Variants in MGAT4A observed in about 807,000 individuals in gnomAD.
MGAT4A encodes the protein N-acetylglucosaminyltransferase IVa.
Under a neutral mutation model 74.1 loss-of-function variants are expected in MGAT4A, and 33 were observed. The observed-to-expected ratio is 0.45, with a 90% confidence interval of 0.34 to 0.60. MGAT4A has a LOEUF of 0.60. Among genes scored for constraint, MGAT4A ranks in the 20% least tolerant of loss-of-function variants. The pLI, the probability that MGAT4A is intolerant of heterozygous loss-of-function variation, is 0.02. For synonymous variants in MGAT4A, 198 were observed against 210.4 expected, an observed-to-expected ratio of 0.94 and a Z score of 0.51; for missense variants, 479 against 628.3, an observed-to-expected ratio of 0.76 and a Z score of 2.54.
chr2:98,689,767 G>A (rs1375000743), intron 2 of MGAT4A, among the ~76,000 whole-genome samples: 2 of 152,182 alleles, frequency 1.3e-5, no homozygotes, highest in East Asian at 1.9e-4. Flanking sequence ...AGGTTGCAGT[G>A]AACTGAGTTT....
At chr2:98,644,343 T>C (rs1701454929) in intron 9 of MGAT4A, among the ~76,000 whole-genome samples, 1 of 152,208 alleles carries the variant, frequency 6.6e-6, no homozygotes, top group Non-Finnish European at 1.5e-5. Flanking sequence ...TCAGAGATTT[T>C]CCCTTCGTGT....
At position 98,673,639 on chromosome 2, in the gene MGAT4A, T is replaced by G. The variant is rs17020553; in HGVS notation, c.403+1396A>C. ...TAATGGATAAAGTCATGTAAACAAA[T>G]GGGATGGAATACATAGCTTCAAAAG... On this transcript the variant is annotated intron_variant, in intron 4 of 15. Transcript: ENST00000393487. 4.5e-3 allele frequency among the ~76,000 whole-genome samples: 688 copies of G among 152,254 alleles called. 4 individuals are homozygous for G. Among genetic ancestry groups the G allele is most frequent in the African/African-American group, 0.016 (650 of 41,550 alleles).
Position 98,639,789 on chromosome 2 carries a change from C to T in MGAT4A, c.1322+19G>A, listed in dbSNP as rs779097202. 2.0e-5 allele frequency: 31 copies of T among 1,579,178 alleles called. No individual in the cohort carries two copies. The South Asian group carries it at 2.7e-4, about 14-fold the overall frequency. On this transcript the variant is annotated intron_variant, in intron 12 of 15. Transcript: ENST00000393487. ...GAGATCCAAATTGTAAGATCACATA[C>T]ATTTCAATAATCACCAACCTTTCTA...
intron 8 of MGAT4A, among the ~76,000 whole-genome samples, chr2:98,654,622 A>C (rs998783049): frequency 6.6e-6 from 1 of 152,188 alleles, no homozygotes; most frequent in African/African-American, 2.4e-5. Flanking sequence ...ATTTTTCTAC[A>C]AAACATTTCT....
intron 4 of MGAT4A, among the ~76,000 whole-genome samples, chr2:98,667,520 G>A (rs1429624653): frequency 6.6e-6 from 1 of 152,190 alleles, no homozygotes; most frequent in East Asian, 1.9e-4. Context: ...TTAGGCACTG[G>A]AGTAAAGGTG....
chr2:98,692,625 T>A (rs1702210611), intron 2 of MGAT4A, among the ~76,000 whole-genome samples: 1 of 152,192 alleles, frequency 6.6e-6, no homozygotes, highest in Admixed American at 6.5e-5. Flanking sequence ...TCGCCTTTTA[T>A]ACGGTATTTT....
In MGAT4A at chr2:98,623,899, G is replaced by A; in HGVS notation, c.*1667C>T. On this transcript the variant is annotated 3_prime_UTR_variant, in exon 16 of 16. Transcript: ENST00000393487. The stretch of plus-strand genomic sequence containing the variant: ...GCCCCAGCGCTAGGCCCCAGCCAGT[G>A]GTCACTCTGAAAGCTCAGCAGAATC... The A allele has an allele frequency of 5.1e-6, 5 of 985,446 alleles. No homozygotes were observed. Among genetic ancestry groups the A allele is most frequent in the Non-Finnish European group, 6.0e-6 (5 of 829,976 alleles). The allele number at this position is 985,446 out of a possible 1,614,324, so 61.0% of individuals were successfully genotyped here.
At chr2:98,679,202 C>A (rs557792366) in intron 2 of MGAT4A, among the ~76,000 whole-genome samples, 5 of 151,894 alleles carry the variant, frequency 3.3e-5, no homozygotes, top group South Asian at 2.1e-4. Flanking sequence ...GTCAGGAGAT[C>A]GAGACCATCC....
intron 3 of MGAT4A, among the ~76,000 whole-genome samples, chr2:98,675,758 T>C (rs1701970432): frequency 1.3e-5 from 2 of 152,182 alleles, no homozygotes; most frequent in South Asian, 4.1e-4. Context: ...TCTCACTATG[T>C]TGCCCAGGCT....
intron 3 of MGAT4A, among the ~76,000 whole-genome samples, chr2:98,677,359 A>C (rs1391864203): frequency 6.6e-6 from 1 of 152,198 alleles, no homozygotes; most frequent in Non-Finnish European, 1.5e-5. Flanking sequence ...ATACACGAAA[A>C]ATTAAATTTT....
chr2:98,693,146 C>A (rs191140939), intron 2 of MGAT4A, among the ~76,000 whole-genome samples: 1 of 152,054 alleles, frequency 6.6e-6, no homozygotes, highest in Non-Finnish European at 1.5e-5. Context: ...AAGGAAATGG[C>A]ACATTTTTTA....
intron 2 of MGAT4A, among the ~76,000 whole-genome samples, chr2:98,683,940 C>T (rs1383881424): frequency 3.3e-5 from 5 of 152,196 alleles, no homozygotes; most frequent in Non-Finnish European, 5.9e-5. Flanking sequence ...TATGAAAAGG[C>T]TCCAGAGGGG....
chr2:98,671,437 A>G (rs1283716622), intron 4 of MGAT4A, among the ~76,000 whole-genome samples: 3 of 152,204 alleles, frequency 2.0e-5, no homozygotes, highest in Middle Eastern at 3.2e-3. Context: ...TAGAAACCAA[A>G]ATCCCATAAA....
intron 5 of MGAT4A, among the ~76,000 whole-genome samples, chr2:98,662,183 A>C (rs1287104222): frequency 1.3e-5 from 2 of 152,240 alleles, no homozygotes; most frequent in African/African-American, 2.4e-5. Flanking sequence ...CCTGGTTTTG[A>C]TAACTATAAT....
At chr2:98,672,497 A>G (rs1369301030) in intron 4 of MGAT4A, among the ~76,000 whole-genome samples, 1 of 152,136 alleles carries the variant, frequency 6.6e-6, no homozygotes, top group East Asian at 1.9e-4. Context: ...ACCCAATGAG[A>G]GTCTTTGCTC....
At chr2:98,718,065 T>C (rs536688509) in intron 2 of MGAT4A, among the ~76,000 whole-genome samples, 1 of 152,268 alleles carries the variant, frequency 6.6e-6, no homozygotes, top group Non-Finnish European at 1.5e-5. Flanking sequence ...GTTTCTGTTA[T>C]AGCTAACAGG....
intron 2 of MGAT4A, among the ~76,000 whole-genome samples, chr2:98,678,733 T>A (rs1164184971): frequency 6.6e-6 from 1 of 152,116 alleles, no homozygotes; most frequent in African/African-American, 2.4e-5. Context: ...CAGCACTTCA[T>A]ATAATTAAAG....
intron 2 of MGAT4A, among the ~76,000 whole-genome samples, chr2:98,715,336 A>G (rs866795225): frequency 2.0e-4 from 31 of 151,730 alleles, no homozygotes; most frequent in South Asian, 1.9e-3. Flanking sequence ...AAAAAAAAAA[A>G]AAAGAAATGA....
At chr2:98,672,163 C>A (rs1701919783) in intron 4 of MGAT4A, among the ~76,000 whole-genome samples, 2 of 152,130 alleles carry the variant, frequency 1.3e-5, no homozygotes, top group African/African-American at 4.8e-5. Flanking sequence ...ATTCTACCAG[C>A]CTCAGGCCAA....
Sources: gnomAD v4.1 joint callset for allele counts (sites outside exome capture counted in the v4.1 genomes callset) on GRCh38, gnomAD v4.1.1 for gene constraint, MANE v1.5 for transcripts, NCBI Gene and HGNC (gene_info 2026-07-23, HGNC 2026-07-21) for gene names.